The following FAM81A variants were observed in gnomAD, a reference collection of about 807,000 sequenced individuals.
FAM81A encodes the protein family with sequence similarity 81 member A, also known as protein FAM81A.
A neutral mutation model predicts 46.7 loss-of-function variants in FAM81A; 19 were observed. That is an observed-to-expected ratio of 0.41 (90% confidence interval 0.28 to 0.60). FAM81A has a LOEUF of 0.60. FAM81A is among the 20% of genes least tolerant of loss of function. FAM81A has a pLI of 0.34. For synonymous variants in FAM81A, 183 were observed against 152.9 expected (o/e 1.20, Z -1.45); for missense variants, 377 against 453.5 (o/e 0.83, Z 1.53).
At chr15:59,413,832 C>T (rs2081133566) in intron 2 of FAM81A, among the ~76,000 whole-genome samples, 1 of 152,204 alleles carries the variant, frequency 6.6e-6, no homozygotes, top group South Asian at 2.1e-4. Context: ...GCTTGGGAAG[C>T]CACAGCCCAC....
chr15:59,466,177 A>G (rs559090710), intron 3 of FAM81A, among the ~76,000 whole-genome samples: 2 of 152,262 alleles, frequency 1.3e-5, no homozygotes, highest in South Asian at 2.1e-4. Flanking sequence ...ATACATGTGC[A>G]TGATTTATAG....
chr15:59,472,677 A>G (rs1308539835), intron 3 of FAM81A, among the ~76,000 whole-genome samples: 1 of 151,796 alleles, frequency 6.6e-6, no homozygotes, highest in Non-Finnish European at 1.5e-5. Context: ...CAGCCTCCTG[A>G]GGAGCTGAGA....
At chr15:59,464,415 A>G (rs541473077) in intron 3 of FAM81A, among the ~76,000 whole-genome samples, 1 of 152,310 alleles carries the variant, frequency 6.6e-6, no homozygotes, top group South Asian at 2.1e-4. Flanking sequence ...TAGTGGCTGT[A>G]CTAGTTTACA....
upstream of FAM81A, among the ~76,000 whole-genome samples, chr15:59,436,892 G>T (rs1338846131): frequency 4.6e-5 from 7 of 152,220 alleles, no homozygotes; most frequent in Admixed American, 3.9e-4. Context: ...ATTATTTGAT[G>T]AATGCTCGTC....
At chr15:59,471,727 T>G (rs1175113927) in intron 3 of FAM81A, among the ~76,000 whole-genome samples, 1 of 151,976 alleles carries the variant, frequency 6.6e-6, no homozygotes, top group Non-Finnish European at 1.5e-5. Context: ...TATGAGCCAC[T>G]GTACCTGGTC....
At chr15:59,445,514 T>C (rs1202066754) in intron 1 of FAM81A, 6 of 152,168 alleles carry the variant, frequency 3.9e-5, no homozygotes, top group African/African-American at 1.4e-4. Flanking sequence ...ATAAAATTAA[T>C]GTGCTGTACT....
intron 3 of FAM81A, among the ~76,000 whole-genome samples, chr15:59,480,372 G>C (rs903190522): frequency 1.3e-5 from 2 of 152,152 alleles, no homozygotes; most frequent in Non-Finnish European, 2.9e-5. Flanking sequence ...GGCCTGTCTG[G>C]GGGGCTTAGA....
At chr15:59,452,798 G>A (rs749268274) in intron 1 of FAM81A, among the ~76,000 whole-genome samples, 1 of 152,144 alleles carries the variant, frequency 6.6e-6, no homozygotes, top group Non-Finnish European at 1.5e-5. Context: ...ATCTCACTCT[G>A]TCACCTGAGC....
chr15:59,515,636 T>C (rs2082258785), intron 7 of FAM81A, among the ~76,000 whole-genome samples: 1 of 152,170 alleles, frequency 6.6e-6, no homozygotes, highest in Admixed American at 6.5e-5. Flanking sequence ...TTTTCATATA[T>C]GATTTTATAT....
intron 3 of FAM81A, among the ~76,000 whole-genome samples, chr15:59,489,301 ACATAC>A (rs1239908398): frequency 6.6e-6 from 1 of 150,984 alleles, no homozygotes; most frequent in African/African-American, 2.4e-5. Context: ...ATACATACAT[ACATAC>A]ATACATATAT....
intron 6 of FAM81A, among the ~76,000 whole-genome samples, chr15:59,510,217 T>A (rs1023199056): frequency 4.6e-5 from 7 of 151,748 alleles, no homozygotes; most frequent in African/African-American, 7.3e-5. Context: ...AATACAAAAA[T>A]TAGCCAGGCA....
chr15:59,475,649 CTG>C (rs1482056626), intron 3 of FAM81A, among the ~76,000 whole-genome samples: 3 of 152,090 alleles, frequency 2.0e-5, no homozygotes, highest in African/African-American at 7.2e-5. Context: ...ACAGGGAAAA[CTG>C]AGTAAAATCT....
intron 1 of FAM81A, among the ~76,000 whole-genome samples, chr15:59,447,707 T>C (rs35897269): frequency 0.01 from 1,540 of 152,200 alleles, 16 homozygotes; most frequent in Admixed American, 0.017. Context: ...CCAAAGCACA[T>C]GATTTAGCCA....
chr15:59,494,174 A>G (rs57770789), intron 4 of FAM81A, among the ~76,000 whole-genome samples: 6,162 of 152,314 alleles, frequency 0.04, 424 homozygotes, highest in African/African-American at 0.14. Context: ...ACTCACTATA[A>G]TAGGACTGGA....
chr15:59,487,378 C>G (rs1157933536), intron 3 of FAM81A, among the ~76,000 whole-genome samples: 1 of 125,544 alleles, frequency 8.0e-6, no homozygotes, highest in Non-Finnish European at 1.7e-5. Flanking sequence ...CAAGAGCAAA[C>G]CAAACCCAAA....
chr15:59,421,629 T>C (rs1268819206), intron 2 of FAM81A, among the ~76,000 whole-genome samples: 1 of 152,192 alleles, frequency 6.6e-6, no homozygotes, highest in Non-Finnish European at 1.5e-5. Flanking sequence ...GGCCTATACC[T>C]GGAGTCCTTG....
chr15:59,441,572 C>G (rs770072051), intron 1 of FAM81A, among the ~76,000 whole-genome samples: 2 of 152,236 alleles, frequency 1.3e-5, no homozygotes, highest in African/African-American at 4.8e-5. Context: ...CTCACCTATT[C>G]TGGTTTCACC....
chr15:59,426,956 A>G (rs541386013), intron 2 of FAM81A, among the ~76,000 whole-genome samples: 1 of 152,290 alleles, frequency 6.6e-6, no homozygotes, highest in Admixed American at 6.5e-5. Context: ...TTAGTTTTTT[A>G]TGCACATATC....
At chr15:59,498,732 C>T (rs1275665278) in intron 4 of FAM81A, among the ~76,000 whole-genome samples, 1 of 152,110 alleles carries the variant, frequency 6.6e-6, no homozygotes, top group Non-Finnish European at 1.5e-5. Context: ...TGGCTCACTG[C>T]CCCCTCCGCC....
Sources: gnomAD v4.1 joint callset for allele counts (sites outside exome capture counted in the v4.1 genomes callset) on GRCh38, gnomAD v4.1.1 for gene constraint, MANE v1.5 for transcripts, NCBI Gene and HGNC (gene_info 2026-07-23, HGNC 2026-07-21) for gene names.